Variants in SMG6 observed in about 807,000 individuals in gnomAD.
SMG6 encodes telomerase-binding protein EST1A.
In SMG6, 66 loss-of-function variants were observed where a neutral mutation model predicts 142.2. The observed-to-expected ratio is 0.46, with a 90% CI of 0.38 to 0.57. SMG6 has a LOEUF of 0.57. SMG6 is among the 20% of genes least tolerant of loss of function. The pLI is 0.00. For missense variants in SMG6, 1,793 were observed against 1,832.0 expected (o/e 0.98, Z 0.39); for synonymous variants, 779 against 702.4 (o/e 1.11, Z -1.72).
At chr17:2,273,934 T>G (rs1211316327) in intron 8 of SMG6, among the ~76,000 whole-genome samples, 2 of 152,256 alleles carry the variant, frequency 1.3e-5, no homozygotes, top group Non-Finnish European at 2.9e-5. Flanking sequence ...GTGTTTGTGG[T>G]GAATTTATTG....
chr17:2,149,622 G>A lies in SMG6; in HGVS notation c.3357+23036C>T, dbSNP rs2070769267. Among the ~76,000 whole-genome samples, 5 of 152,288 alleles carry A rather than the reference G, an allele frequency of 3.3e-5. No homozygotes were observed. In the South Asian group the frequency reaches 1.0e-3, roughly 32 times the overall value. ...GCAAAAAGCAATCTAGGCAGGGCTT[G>A]TAGGCACTCCTTGACATCGTGGTCT... On this transcript the variant is annotated intron_variant, in intron 13 of 18. Coordinates refer to ENST00000263073, the MANE Select transcript of SMG6 (RefSeq NM_017575.5).
chr17:2,119,556 G>C (rs1160555534), intron 13 of SMG6, among the ~76,000 whole-genome samples: 1 of 152,142 alleles, frequency 6.6e-6, no homozygotes, highest in Admixed American at 6.6e-5. Context: ...CCAGAGTACA[G>C]TGGCACGATC....
intron 12 of SMG6, among the ~76,000 whole-genome samples, chr17:2,182,378 C>G (rs189107056): frequency 1.3e-5 from 2 of 152,172 alleles, no homozygotes; most frequent in East Asian, 3.9e-4. Context: ...TTTTGGAAAC[C>G]TAGGAGGGCC....
chr17:2,087,930 C>A (rs1298197574), intron 13 of SMG6: 28 of 985,688 alleles, frequency 2.8e-5, no homozygotes, highest in African/African-American at 3.5e-5. Flanking sequence ...TGACCTCTGA[C>A]CTTACGCCCC....
chr17:2,248,867 C>T (rs1306131902), intron 8 of SMG6, among the ~76,000 whole-genome samples: 1 of 151,550 alleles, frequency 6.6e-6, no homozygotes, highest in Non-Finnish European at 1.5e-5. Flanking sequence ...AGTCAACTAG[C>T]ACTGAGACAG....
At chr17:2,211,093 G>A (rs1467342553) in intron 10 of SMG6, among the ~76,000 whole-genome samples, 12 of 97,674 alleles carry the variant, frequency 1.2e-4, no homozygotes, top group African/African-American at 4.8e-4. Context: ...GGAGGAGCTG[G>A]ATTTTATTAA....
chr17:2,146,856 A>T (rs1436851935), intron 13 of SMG6, among the ~76,000 whole-genome samples: 1 of 152,176 alleles, frequency 6.6e-6, no homozygotes, highest in Non-Finnish European at 1.5e-5. Flanking sequence ...GTGAGCCACC[A>T]CGCATGGCCT....
chr17:2,303,516 T>A (rs1316601412), intron 1 of SMG6, 117 bp downstream of exon 1: 8 of 1,332,736 alleles, frequency 6.0e-6, no homozygotes, highest in African/African-American at 1.5e-5. Context: ...CAGCGCCTAC[T>A]GCTGGGGGAA....
intron 13 of SMG6, among the ~76,000 whole-genome samples, chr17:2,157,731 T>C (rs979728680): frequency 2.0e-5 from 3 of 152,208 alleles, no homozygotes; most frequent in African/African-American, 4.8e-5. Context: ...TCAGGAGGTG[T>C]TGGTCACCAA....
chr17:2,085,645 G>T lies in SMG6; in HGVS notation c.3534+80C>A. The T allele has an allele frequency of 7.3e-7, 1 of 1,371,638 alleles. No individual in the cohort carries two copies. Among genetic ancestry groups the T allele is most frequent in the Non-Finnish European group, 1.0e-6 (1 of 992,646 alleles). The allele number at this position is 1,371,638 out of a possible 1,614,324, so 85.0% of individuals were successfully genotyped here. A position where few individuals can be genotyped will look rare whatever the true frequency, so the allele number is the denominator to read the frequency against. On this transcript the variant is annotated intron_variant, in intron 14 of 18. Transcript: ENST00000263073. This position sits in a 1 kb window ranked among gnomAD's most constrained non-coding sequence, Gnocchi z 4.1. ...CGCTGTTCTCTGTGCTCATAAATAAGCAGGAGGAAAAGCTGAAGCCACGAG... is the reference window on the plus strand; with the variant it reads ...CGCTGTTCTCTGTGCTCATAAATAATCAGGAGGAAAAGCTGAAGCCACGAG...
chr17:2,116,760 A>T (rs2069519237), intron 13 of SMG6, among the ~76,000 whole-genome samples: 1 of 151,888 alleles, frequency 6.6e-6, no homozygotes, highest in Non-Finnish European at 1.5e-5. Flanking sequence ...AAAAATAAAA[A>T]CCCTGAAAAG....
intron 8 of SMG6, among the ~76,000 whole-genome samples, chr17:2,270,212 GA>G (rs967763007): frequency 6.7e-6 from 1 of 150,126 alleles, no homozygotes; most frequent in African/African-American, 2.4e-5. Context: ...TAGCAATAGG[GA>G]AAAAAAAAGG....
intron 12 of SMG6, among the ~76,000 whole-genome samples, chr17:2,173,444 C>T (rs912697422): frequency 3.9e-5 from 6 of 152,338 alleles, no homozygotes; most frequent in Middle Eastern, 3.4e-3. Flanking sequence ...ATTCCTGGCC[C>T]ATCAAGATCC....
chr17:2,168,111 TC>T (rs2071396402), intron 13 of SMG6, among the ~76,000 whole-genome samples: 1 of 152,130 alleles, frequency 6.6e-6, no homozygotes, highest in South Asian at 2.1e-4. Flanking sequence ...CAAGTGCTCC[TC>T]CCACTTTGGC....
At chr17:2,245,961 T>A (rs1449359571) in intron 8 of SMG6, among the ~76,000 whole-genome samples, 1 of 152,200 alleles carries the variant, frequency 6.6e-6, no homozygotes, top group African/African-American at 2.4e-5. Context: ...ATCACAGAGG[T>A]GAGAGTCACT....
chr17:2,072,935 T>A (rs1177532542), intron 15 of SMG6: 1 of 152,250 alleles, frequency 6.6e-6, no homozygotes, highest in East Asian at 1.9e-4. Context: ...AGTAACTCAA[T>A]AAATGCCAGC....
intron 12 of SMG6, among the ~76,000 whole-genome samples, chr17:2,181,271 G>T (rs9892754): frequency 0.36 from 54,214 of 152,060 alleles, 10,379 homozygotes; most frequent in African/African-American, 0.5. Context: ...ACTTTTCCAG[G>T]CCTCTGATCT....
intron 8 of SMG6, among the ~76,000 whole-genome samples, chr17:2,259,673 CAAAA>C (rs11289865): frequency 7.0e-5 from 6 of 86,168 alleles, no homozygotes; most frequent in Admixed American, 1.2e-4. Context: ...ACCCTGTCTC[CAAAA>C]AAAAAAAAAA....
At position 2,082,337 on chromosome 17, in the gene SMG6, G is replaced by C. The variant is rs1756639705; in HGVS notation, c.3535-381C>G. ...AATGATTCAAGAGGGAAACAACAGA[G>C]AAAGTTAAACCACCCAACTTAAATC... On this transcript the variant is annotated intron_variant, in intron 14 of 18. Transcript: ENST00000263073. 1.6e-5 allele frequency: 3 copies of C among 186,244 alleles called. No homozygotes were observed. The Admixed American group carries it at 1.6e-4, about 10-fold the overall frequency. 11.5% of individuals were successfully genotyped at this position (186,244 alleles called of 1,614,324 possible).
Sources: gnomAD v4.1 joint callset for allele counts (sites outside exome capture counted in the v4.1 genomes callset) on GRCh38, gnomAD v4.1.1 for gene constraint, Gnocchi (gnomAD v3.1) non-coding constraint, MANE v1.5 for transcripts, NCBI Gene and HGNC (gene_info 2026-07-23, HGNC 2026-07-21) for gene names.